The following CSGALNACT1 variants were observed in gnomAD, a reference collection of about 807,000 sequenced individuals.
The protein encoded by CSGALNACT1 is beta4GalNAcT-1.
CSGALNACT1 carries 52 observed loss-of-function variants against 51.0 expected under a neutral mutation model. The observed-to-expected ratio is 1.02, with a 90% confidence interval of 0.82 to 1.29. The LOEUF is 1.29. Ranked by LOEUF, CSGALNACT1 falls within the 50% of genes most tolerant of loss-of-function variation. The pLI is 0.00. For synonymous variants in CSGALNACT1, 341 were observed against 254.4 expected, an observed-to-expected ratio of 1.34 and a Z score of -3.24; for missense variants, 935 against 679.2, an observed-to-expected ratio of 1.38 and a Z score of -4.19.
At chr8:19,513,419 T>TCA (rs1487511073) in intron 3 of CSGALNACT1, among the ~76,000 whole-genome samples, 2 of 51,712 alleles carry the variant, frequency 3.9e-5, no homozygotes, top group African/African-American at 1.9e-4. Context: ...TCTCTCACTC[T>TCA]CTCTCTCTCT....
intron 4 of CSGALNACT1, among the ~76,000 whole-genome samples, chr8:19,486,189 C>A (rs1185653432): frequency 2.0e-5 from 3 of 151,836 alleles, no homozygotes; most frequent in Non-Finnish European, 1.5e-5. Context: ...CCCAGGTGTG[C>A]CTTTAGGCTG....
chr8:19,435,898 A>G (rs1219085708), intron 6 of CSGALNACT1, among the ~76,000 whole-genome samples: 1 of 152,224 alleles, frequency 6.6e-6, no homozygotes, highest in African/African-American at 2.4e-5. Flanking sequence ...ACACACGCAC[A>G]CACATTGAAA....
intron 6 of CSGALNACT1, among the ~76,000 whole-genome samples, chr8:19,439,161 T>G (rs1026766349): frequency 2.6e-5 from 4 of 152,272 alleles, no homozygotes; most frequent in African/African-American, 9.6e-5. Context: ...ACTTATTCAT[T>G]TATTTTTATA....
chr8:19,750,359 T>C (rs535534394), intron 1 of CSGALNACT1, among the ~76,000 whole-genome samples: 101 of 152,198 alleles, frequency 6.6e-4, no homozygotes, highest in African/African-American at 2.4e-3. Flanking sequence ...AAGGAACTGA[T>C]CACACTCGGC....
At chr8:19,690,806 G>A (rs948692848) in intron 1 of CSGALNACT1, among the ~76,000 whole-genome samples, 5 of 152,292 alleles carry the variant, frequency 3.3e-5, no homozygotes, top group Non-Finnish European at 7.4e-5. Context: ...TTTGCTCAAC[G>A]GGTAATTTGG....
intron 1 of CSGALNACT1, among the ~76,000 whole-genome samples, chr8:19,660,761 C>T (rs1412122302): frequency 6.6e-6 from 1 of 152,150 alleles, no homozygotes. Flanking sequence ...AGATGAAAAT[C>T]ACCAGTCCCT....
chr8:19,474,876 AAAAAAAAAAAG>A (rs1366923131), intron 4 of CSGALNACT1, among the ~76,000 whole-genome samples: 2 of 150,732 alleles, frequency 1.3e-5, no homozygotes, highest in Non-Finnish European at 1.5e-5. Context: ...TCAGAAAAAA[AAAAAAAAAAAG>A]AAAAAAAAAA....
At chr8:19,505,912 G>C (rs763978774) in exon 4 of CSGALNACT1, 85 of 1,571,854 alleles carry the variant, frequency 5.4e-5, no homozygotes, top group Non-Finnish European at 6.9e-5. Flanking sequence ...CCCTGGGCTA[G>C]ACCACAGGAA....
chr8:19,455,574 GA>G (rs2063929477), intron 5 of CSGALNACT1, among the ~76,000 whole-genome samples: 2 of 152,288 alleles, frequency 1.3e-5, no homozygotes, highest in South Asian at 4.1e-4. Flanking sequence ...ACCATGCCCT[GA>G]ATAACCCCTT....
chr8:19,496,959 C>G (rs1048777402), intron 4 of CSGALNACT1, among the ~76,000 whole-genome samples: 4 of 152,104 alleles, frequency 2.6e-5, no homozygotes, highest in African/African-American at 9.7e-5. Context: ...CTGGGAGGGG[C>G]AAAACACTCT....
At chr8:19,675,780 G>A (rs552035960) in intron 1 of CSGALNACT1, among the ~76,000 whole-genome samples, 2 of 152,170 alleles carry the variant, frequency 1.3e-5, no homozygotes, top group African/African-American at 4.8e-5. Flanking sequence ...AAGCCACTGT[G>A]CCCTGCGCCC....
chr8:19,455,447 C>G (rs191215667), intron 5 of CSGALNACT1, among the ~76,000 whole-genome samples: 2 of 152,130 alleles, frequency 1.3e-5, no homozygotes, highest in Non-Finnish European at 2.9e-5. Flanking sequence ...TATTTTCTCC[C>G]AGTAACTTTA....
At chr8:19,671,486 C>T (rs2059792132) in intron 1 of CSGALNACT1, among the ~76,000 whole-genome samples, 1 of 152,116 alleles carries the variant, frequency 6.6e-6, no homozygotes, top group African/African-American at 2.4e-5. Flanking sequence ...ATAATCCAAC[C>T]ACATTTCCTT....
At chr8:19,566,021 A>C (rs1306314563) in intron 3 of CSGALNACT1, among the ~76,000 whole-genome samples, 6 of 152,276 alleles carry the variant, frequency 3.9e-5, no homozygotes, top group Non-Finnish European at 7.3e-5. Context: ...TCCACGTTGT[A>C]AATAGGATGG....
intron 1 of CSGALNACT1, among the ~76,000 whole-genome samples, chr8:19,623,243 A>T (rs989101537): frequency 2.0e-5 from 3 of 152,224 alleles, no homozygotes; most frequent in African/African-American, 7.2e-5. Context: ...GCATATAATA[A>T]CATGTCCTTG....
intron 1 of CSGALNACT1, among the ~76,000 whole-genome samples, chr8:19,718,180 C>G (rs542207128): frequency 7.2e-4 from 110 of 152,326 alleles, no homozygotes; most frequent in Middle Eastern, 3.4e-3. Context: ...GCAACCTCTA[C>G]CTCCCAGGTT....
chr8:19,406,623 TAAAAAAAAAA>T (rs33985548), intron 9 of CSGALNACT1, among the ~76,000 whole-genome samples: 1 of 72,148 alleles, frequency 1.4e-5, no homozygotes, highest in African/African-American at 5.9e-5. Context: ...AGAGGTTTCG[TAAAAAAAAAA>T]AAAAAAAAAA....
chr8:19,428,963 T>G (rs1317545709), intron 6 of CSGALNACT1, among the ~76,000 whole-genome samples: 1 of 151,864 alleles, frequency 6.6e-6, no homozygotes, highest in Non-Finnish European at 1.5e-5. Context: ...TCAGTGTCAT[T>G]TAGTACATTC....
At chr8:19,475,736 T>G (rs759617618) in intron 4 of CSGALNACT1, among the ~76,000 whole-genome samples, 1 of 152,220 alleles carries the variant, frequency 6.6e-6, no homozygotes, top group African/African-American at 2.4e-5. Context: ...AATAATCTGC[T>G]CAGAACGCCA....
Sources: gnomAD v4.1 joint callset for allele counts (sites outside exome capture counted in the v4.1 genomes callset) on GRCh38, gnomAD v4.1.1 for gene constraint, MANE v1.5 for transcripts, NCBI Gene and HGNC (gene_info 2026-07-23, HGNC 2026-07-21) for gene names.